Variants in CDKN2B-AS1 observed in about 807,000 individuals in gnomAD.
CDKN2B-AS1 encodes the protein CDKN2B and CDKN2A antisense cis and trans regulatory RNA 1, also known as CDKN2B antisense RNA 1 (non-protein coding).
chr9:22,088,443 A>G (rs922654400), intron 4 of CDKN2B-AS1, among the ~76,000 whole-genome samples: 9 of 23,736 alleles, frequency 3.8e-4, no homozygotes, highest in Admixed American at 2.7e-3. Flanking sequence ...ATGTGCAAGC[A>G]CACACACACA....
chr9:22,126,653 A>G (rs1345249566), intron 4 of CDKN2B-AS1, among the ~76,000 whole-genome samples: 1 of 147,458 alleles, frequency 6.8e-6, no homozygotes, highest in Non-Finnish European at 1.5e-5. Context: ...GCTCACTGCA[A>G]ACTCCGCCTC....
intron 4 of CDKN2B-AS1, among the ~76,000 whole-genome samples, chr9:22,094,455 C>T (rs1389536496): frequency 2.8e-5 from 4 of 144,604 alleles, no homozygotes; most frequent in African/African-American, 8.6e-5. Flanking sequence ...TCAGGTACTC[C>T]AATCAGAAGT....
At chr9:22,031,482 G>T (rs1323978550) in intron 1 of CDKN2B-AS1, among the ~76,000 whole-genome samples, 2 of 152,076 alleles carry the variant, frequency 1.3e-5, no homozygotes, top group Admixed American at 1.3e-4. Context: ...TGCTAGAATT[G>T]GTCCTGATAC....
chr9:22,036,024 C>T (rs1356590720), intron 1 of CDKN2B-AS1, among the ~76,000 whole-genome samples: 3 of 152,108 alleles, frequency 2.0e-5, no homozygotes, highest in Non-Finnish European at 4.4e-5. Flanking sequence ...AAGGGATGAT[C>T]AGTCCTTCCC....
chr9:22,077,192 GTTTTC>G (rs1444855710), intron 4 of CDKN2B-AS1, among the ~76,000 whole-genome samples: 1 of 151,822 alleles, frequency 6.6e-6, no homozygotes, highest in Non-Finnish European at 1.5e-5. Context: ...TAATGCAATA[GTTTTC>G]TTTTTGTATC....
intron 4 of CDKN2B-AS1, among the ~76,000 whole-genome samples, chr9:22,105,111 G>A (rs1253421579): frequency 1.3e-5 from 2 of 152,300 alleles, no homozygotes; most frequent in South Asian, 2.1e-4. Flanking sequence ...AACTGCAACA[G>A]CTACACTGAC....
At chr9:22,127,677 G>A (rs375241826) in exon 5 of CDKN2B-AS1, among the ~76,000 whole-genome samples, 9 of 152,188 alleles carry the variant, frequency 5.9e-5, no homozygotes, top group East Asian at 1.9e-4. Context: ...AGTGAGGAAG[G>A]GAGACAGGAG....
At chr9:22,051,169 C>T (rs1823327760) in intron 3 of CDKN2B-AS1, among the ~76,000 whole-genome samples, 1 of 152,148 alleles carries the variant, frequency 6.6e-6, no homozygotes, top group Non-Finnish European at 1.5e-5. Context: ...TTTCAGCCTG[C>T]TCCTTTAAGG....
At chr9:22,028,572 G>A (rs767368978) in intron 1 of CDKN2B-AS1, among the ~76,000 whole-genome samples, 3 of 152,098 alleles carry the variant, frequency 2.0e-5, no homozygotes, top group Non-Finnish European at 4.4e-5. Flanking sequence ...TGTACTTAAT[G>A]TGGTTATATA....
intron 1 of CDKN2B-AS1, among the ~76,000 whole-genome samples, chr9:22,024,036 G>C (rs1441477409): frequency 6.6e-6 from 1 of 152,186 alleles, no homozygotes; most frequent in Non-Finnish European, 1.5e-5. Flanking sequence ...TGAGTTTTCA[G>C]TGTTCTTGTG....
At chr9:22,052,199 T>G (rs1823374977) in intron 3 of CDKN2B-AS1, among the ~76,000 whole-genome samples, 1 of 152,200 alleles carries the variant, frequency 6.6e-6, no homozygotes, top group Non-Finnish European at 1.5e-5. Flanking sequence ...TTTACTTTTT[T>G]CAGTGCCCTT....
chr9:22,027,093 C>G (rs1451862654), intron 1 of CDKN2B-AS1, among the ~76,000 whole-genome samples: 1 of 151,890 alleles, frequency 6.6e-6, no homozygotes, highest in Non-Finnish European at 1.5e-5. Context: ...TTTAGTCACC[C>G]CTTTCTTTCC....
At chr9:22,016,029 C>A (rs889572476) in intron 1 of CDKN2B-AS1, among the ~76,000 whole-genome samples, 2 of 152,096 alleles carry the variant, frequency 1.3e-5, no homozygotes, top group African/African-American at 4.8e-5. Flanking sequence ...CGAAAATTTT[C>A]TCCCATTTTG....
intron 4 of CDKN2B-AS1, among the ~76,000 whole-genome samples, chr9:22,073,532 G>C (rs1292580339): frequency 6.6e-6 from 1 of 152,132 alleles, no homozygotes; most frequent in African/African-American, 2.4e-5. Flanking sequence ...GAATATATGG[G>C]TGTAATTTTC....
chr9:22,118,631 C>T (rs985488626), intron 4 of CDKN2B-AS1: 4 of 152,140 alleles, frequency 2.6e-5, no homozygotes, highest in African/African-American at 7.2e-5. Flanking sequence ...CTTTACCTTT[C>T]GTTTTTTAAC....
chr9:22,018,911 T>C (rs978107547), intron 1 of CDKN2B-AS1, among the ~76,000 whole-genome samples: 2 of 152,306 alleles, frequency 1.3e-5, no homozygotes, highest in South Asian at 4.1e-4. Context: ...ACATGGTAAG[T>C]GCATAGTGAG....
intron 1 of CDKN2B-AS1, among the ~76,000 whole-genome samples, chr9:22,034,036 C>T (rs1412252041): frequency 6.6e-6 from 1 of 152,118 alleles, no homozygotes; most frequent in Non-Finnish European, 1.5e-5. Flanking sequence ...AAAGGTGTAA[C>T]TTCGATAAAA....
intron 1 of CDKN2B-AS1, among the ~76,000 whole-genome samples, chr9:22,019,513 G>A (rs892716228): frequency 1.3e-5 from 2 of 152,154 alleles, no homozygotes; most frequent in African/African-American, 4.8e-5. Context: ...GAGAGAGGTT[G>A]GTGATCATGG....
rs3028393 is a variant in CDKN2B-AS1 at position 22,005,112 on chromosome 9, ATGTGTGTGTG to A, written n.29+9972_29+9981del. The A allele has an allele frequency of 4.4e-5, 10 of 225,378 alleles. No homozygotes were observed. Among genetic ancestry groups the A allele is most frequent in the Non-Finnish European group, 7.0e-5 (8 of 114,176 alleles). The allele number at this position is 225,378 out of a possible 1,614,324, so 14.0% of individuals were successfully genotyped here. ...CATAAGGGGATTTCCGCATCCTAGC[ATGTGTGTGTG>A]TGTGTGTGTGTGTGTGTGTGAAAGA... On this transcript the variant is annotated intron_variant and non_coding_transcript_variant, in intron 1 of 4. Coordinates refer to ENST00000650946, the Ensembl canonical transcript of CDKN2B-AS1. The surrounding 1 kb of genome is among the most constrained non-coding windows in gnomAD (Gnocchi z 4.9).
Sources: gnomAD v4.1 joint callset for allele counts (sites outside exome capture counted in the v4.1 genomes callset) on GRCh38, gnomAD v4.1.1 for gene constraint, Gnocchi (gnomAD v3.1) non-coding constraint, MANE v1.5 for transcripts, NCBI Gene and HGNC (gene_info 2026-07-23, HGNC 2026-07-21) for gene names.